Variants in PFKFB2 observed in about 807,000 individuals in gnomAD.
PFKFB2 encodes the protein 6-phosphofructo-2-kinase/fructose-2,6-biphosphatase 2.
A neutral mutation model predicts 68.0 loss-of-function variants in PFKFB2; 53 were observed. That is an observed-to-expected ratio of 0.78 (90% CI 0.63 to 0.98). The LOEUF (loss-of-function observed/expected upper bound fraction) is 0.98. Ranked by LOEUF, PFKFB2 falls within the 50% of genes least tolerant of loss-of-function variation. PFKFB2 has a pLI of 0.00. For missense variants in PFKFB2, 451 were observed against 642.0 expected (o/e 0.70, Z 3.22); for synonymous variants, 222 against 227.6 (o/e 0.98, Z 0.22).
Position 207,069,224 on chromosome 1 carries a change from C to T in PFKFB2, c.988-200C>T, listed in dbSNP as rs116535482. Among the ~76,000 whole-genome samples, 562 of 152,198 alleles carry T rather than the reference C, an allele frequency of 3.7e-3. 2 individuals are homozygous for T. The highest frequency in any genetic ancestry group is 0.011 in the African/African-American group (463 of 41,516). On this transcript the variant is annotated intron_variant, in intron 10 of 14. Transcript: ENST00000367080. ...TTGAGCTAGAGAAGTTGCCTCTTTC[C>T]GGCAGTGGTCCTCACCCGGTGAGTC...
At chr1:207,062,762 C>T (rs761168875) in intron 4 of PFKFB2, 46 bp downstream of exon 4, 23 of 1,559,630 alleles carry the variant, frequency 1.5e-5, no homozygotes, top group Admixed American at 1.7e-5. Context: ...TCTTTCTTGG[C>T]CGTCATGAGA....
At chr1:207,045,913 T>G (rs1490484267) in intron 2 of PFKFB2, 1 of 152,062 alleles carries the variant, frequency 6.6e-6, no homozygotes, top group Non-Finnish European at 1.5e-5. Flanking sequence ...GCGTCAAGGG[T>G]ACCACTTGAC....
intron 2 of PFKFB2, chr1:207,044,501 CCTTT>C (rs1438976379): frequency 9.2e-5 from 14 of 152,582 alleles, no homozygotes; most frequent in Non-Finnish European, 1.5e-4. Context: ...CTAAGATGAT[CCTTT>C]CTGTTTACCT....
In PFKFB2 at chr1:207,074,094, TG is replaced by T; in HGVS notation, c.*1726del. 1 of 892,484 alleles carries T rather than the reference TG, an allele frequency of 1.1e-6. No individual in the cohort carries two copies. The highest frequency in any genetic ancestry group is 1.3e-6 in the Non-Finnish European group (1 of 745,850). The allele number at this position is 892,484 out of a possible 1,614,324, so 55.3% of individuals were successfully genotyped here. On this transcript the variant is annotated 3_prime_UTR_variant, in exon 15 of 15. Coordinates refer to ENST00000367080, the MANE Select transcript of PFKFB2 (RefSeq NM_006212.2). ...ATGCTTAATACTGACTCAGAATCTCTGGGATCTGGGTCTGGACATGCATGTA... is the reference window on the plus strand; with the variant it reads ...ATGCTTAATACTGACTCAGAATCTCTGGATCTGGGTCTGGACATGCATGTA...
chr1:207,060,962 A>ATC (rs1553251143), intron 2 of PFKFB2: 2 of 140,310 alleles, frequency 1.4e-5, no homozygotes, highest in African/African-American at 2.8e-5. Flanking sequence ...TAAGTTAAAT[A>ATC]TATATATCTA....
At chr1:207,077,974 C>G (rs1387757967), downstream of PFKFB2, among the ~76,000 whole-genome samples, 5 of 152,198 alleles carry the variant, frequency 3.3e-5, no homozygotes, top group African/African-American at 9.7e-5. Context: ...AGCCGTGGCT[C>G]TCTTCTGCCA....
intron 1 of PFKFB2, among the ~76,000 whole-genome samples, chr1:207,039,256 A>C (rs969852615): frequency 6.6e-6 from 1 of 152,216 alleles, no homozygotes. Context: ...ATTCAATCCA[A>C]TAAAATTCAT....
intron 2 of PFKFB2, chr1:207,043,986 G>C (rs1682533154): frequency 1.3e-5 from 2 of 152,596 alleles, no homozygotes; most frequent in African/African-American, 4.8e-5. Context: ...AGAAAATGAA[G>C]TTAGACATCT....
Position 207,063,258 on chromosome 1 carries a change from G to T in PFKFB2, c.375+49G>T. On this transcript the variant is annotated intron_variant, in intron 5 of 14. Coordinates refer to ENST00000367080, the MANE Select transcript of PFKFB2 (RefSeq NM_006212.2). The surrounding 1 kb of genome is among the most constrained non-coding windows in gnomAD (Gnocchi z 4.1). The stretch of plus-strand genomic sequence containing the variant: ...CTTTCTGGTCCCCACCCTTGCAGCA[G>T]CCTGGCTACCCAGCCCCACCTTGAG... The T allele has an allele frequency of 6.3e-7, 1 of 1,594,332 alleles. No homozygotes were observed. The highest frequency in any genetic ancestry group is 8.6e-7 in the Non-Finnish European group (1 of 1,162,096).
chr1:207,074,506 C>T lies in PFKFB2; in HGVS notation c.*2135C>T. On this transcript the variant is annotated 3_prime_UTR_variant, in exon 15 of 15. Transcript: ENST00000367080. ...GCCAGGATGATAAAGGTTGTCATCA[C>T]TGGCAACTGACTCCTGACCCCGGGT... is the stretch of plus-strand genomic sequence containing the variant. 1.0e-5 allele frequency: 10 copies of T among 985,410 alleles called. No individual in the cohort carries two copies. Among genetic ancestry groups the T allele is most frequent in the Non-Finnish European group, 1.2e-5 (10 of 829,918 alleles). 61.0% of individuals were successfully genotyped at this position (985,410 alleles called of 1,614,324 possible). A position where few individuals can be genotyped will look rare whatever the true frequency, so the allele number is the denominator to read the frequency against.
intron 1 of PFKFB2, among the ~76,000 whole-genome samples, chr1:207,034,786 C>T (rs1391170151): frequency 7.2e-5 from 11 of 152,160 alleles, no homozygotes; most frequent in South Asian, 2.1e-4. Context: ...ACATCACAGT[C>T]GAAGTTACTT....
rs1037398350 is a variant in PFKFB2 at position 207,075,465 on chromosome 1, A to C, written c.*3094A>C. ...TAGAGAAGTTTCAGCTCTACTTCTC[A>C]TCTTTTCTCTCCTGGTCTTACTTGA... On this transcript the variant is annotated 3_prime_UTR_variant, in exon 15 of 15. Transcript: ENST00000367080. 19 of 985,320 alleles carry C rather than the reference A, an allele frequency of 1.9e-5. No homozygotes were observed. Among genetic ancestry groups the C allele is most frequent in the Non-Finnish European group, 2.3e-5 (19 of 829,902 alleles). The allele number at this position is 985,320 out of a possible 1,614,324, so 61.0% of individuals were successfully genotyped here. A position where few individuals can be genotyped will look rare whatever the true frequency, so the allele number is the denominator to read the frequency against.
intron 1 of PFKFB2, chr1:207,042,036 T>C (rs1323028139): frequency 3.3e-5 from 5 of 152,242 alleles, no homozygotes; most frequent in Non-Finnish European, 4.4e-5. Flanking sequence ...TTTGCAACAA[T>C]ATCTATCCTT....
chr1:207,061,570 C>G (rs964328270), intron 2 of PFKFB2, among the ~76,000 whole-genome samples: 1 of 152,104 alleles, frequency 6.6e-6, no homozygotes, highest in African/African-American at 2.4e-5. Context: ...CTATGAAGTT[C>G]GTAGCTCAGT....
chr1:207,049,146 CCTT>C (rs1682669333), upstream of PFKFB2: 1 of 1,614,024 alleles, frequency 6.2e-7, no homozygotes, highest in Non-Finnish European at 8.5e-7. Context: ...TAAACTGTCT[CCTT>C]CTTCTAGCTT....
rs746092429 is a variant in PFKFB2, at chr1:207,072,396, G to A, written c.*25G>A. On this transcript the variant is annotated 3_prime_UTR_variant, in exon 15 of 15. Coordinates refer to ENST00000367080, the MANE Select transcript of PFKFB2 (RefSeq NM_006212.2). Reference sequence around the variant, plus strand: ...GCCGAAGACCCAAGTCAGCATTCCGGTGGTGTAACTGTGTGTTTCCCTCCA... The same window carrying A: ...GCCGAAGACCCAAGTCAGCATTCCGATGGTGTAACTGTGTGTTTCCCTCCA... 5 of 1,608,312 alleles carry A rather than the reference G, an allele frequency of 3.1e-6. No individual in the cohort carries two copies. Among genetic ancestry groups the A allele is most frequent in the South Asian group, 1.1e-5 (1 of 90,462 alleles).
At chr1:207,057,989 A>G (rs1415884417) in intron 2 of PFKFB2, among the ~76,000 whole-genome samples, 1 of 152,254 alleles carries the variant, frequency 6.6e-6, no homozygotes, top group Non-Finnish European at 1.5e-5. Flanking sequence ...GAAATAATAG[A>G]AAAGATAGAC....
In PFKFB2 at chr1:207,070,658, G is replaced by A. The variant is rs571143044; in HGVS notation, c.1222+249G>A. The A allele has an allele frequency of 1.1e-5, 5 of 450,580 alleles. No individual in the cohort carries two copies. In the East Asian group the frequency reaches 2.4e-4, roughly 21 times the overall value. The allele number at this position is 450,580 out of a possible 1,614,324, so 27.9% of individuals were successfully genotyped here. ...TTGATCCTGCCTGGCTCAAGGGCCA[G>A]TGTCATGCTGACACTCCTGGCAGCA... On this transcript the variant is annotated intron_variant, in intron 12 of 14. Transcript: ENST00000367080. This position sits in a 1 kb window ranked among gnomAD's most constrained non-coding sequence, Gnocchi z 4.2.
intron 7 of PFKFB2, 101 bp from the exon 8 acceptor site, chr1:207,064,935 A>T: frequency 7.3e-7 from 1 of 1,365,000 alleles, no homozygotes; most frequent in Admixed American, 2.1e-5. Flanking sequence ...GAAAGGCGAC[A>T]TTTATGGACT....
Sources: gnomAD v4.1 joint callset for allele counts (sites outside exome capture counted in the v4.1 genomes callset) on GRCh38, gnomAD v4.1.1 for gene constraint, Gnocchi (gnomAD v3.1) non-coding constraint, MANE v1.5 for transcripts, NCBI Gene and HGNC (gene_info 2026-07-23, HGNC 2026-07-21) for gene names.